GRIK2: variants seen among roughly 807,000 people sequenced by gnomAD.
The protein encoded by GRIK2 is glutamate receptor ionotropic, kainate 2.
A neutral mutation model predicts 100.3 loss-of-function variants in GRIK2; 32 were observed. The observed-to-expected ratio is 0.32, with a 90% CI of 0.24 to 0.43. The LOEUF (loss-of-function observed/expected upper bound fraction) is 0.43. Among genes scored for constraint, GRIK2 ranks in the 20% least tolerant of loss-of-function variants. The pLI, the probability that GRIK2 is intolerant of heterozygous loss-of-function variation, is 1.00. For synonymous variants in GRIK2, 417 were observed against 389.4 expected, an observed-to-expected ratio of 1.07 and a Z score of -0.83; for missense variants, 843 against 1,114.9, an observed-to-expected ratio of 0.76 and a Z score of 3.47.
chr6:101,834,402 C>T (rs1782925026), intron 10 of GRIK2, among the ~76,000 whole-genome samples: 1 of 151,542 alleles, frequency 6.6e-6, no homozygotes, highest in East Asian at 1.9e-4. Flanking sequence ...TTTGGAGCGT[C>T]TATTTCCCAG....
chr6:101,558,609 A>G (rs1455585934), intron 2 of GRIK2, among the ~76,000 whole-genome samples: 3 of 150,788 alleles, frequency 2.0e-5, no homozygotes, highest in Non-Finnish European at 4.4e-5. Context: ...GAAATAGTTT[A>G]GGGTTGAATT....
intron 2 of GRIK2, among the ~76,000 whole-genome samples, chr6:101,621,579 A>G (rs185561790): frequency 2.0e-5 from 3 of 152,288 alleles, no homozygotes. Context: ...AACTGTTTAC[A>G]AATTTTGGGG....
At chr6:101,458,267 T>C (rs1047432798) in intron 2 of GRIK2, among the ~76,000 whole-genome samples, 1 of 152,170 alleles carries the variant, frequency 6.6e-6, no homozygotes, top group Non-Finnish European at 1.5e-5. Context: ...ATTTTAAGAA[T>C]TTTATGCAAC....
At chr6:101,739,740 T>G (rs1775902689) in intron 7 of GRIK2, among the ~76,000 whole-genome samples, 1 of 152,202 alleles carries the variant, frequency 6.6e-6, no homozygotes, top group African/African-American at 2.4e-5. Flanking sequence ...TTGATGTTTC[T>G]TCTCCTCTAA....
chr6:101,459,220 T>A (rs934651984), intron 2 of GRIK2, among the ~76,000 whole-genome samples: 2 of 152,140 alleles, frequency 1.3e-5, no homozygotes, highest in African/African-American at 4.8e-5. Flanking sequence ...CCAAAGGTCC[T>A]TTGAAAGACA....
chr6:102,053,047 G>A (rs951848511), intron 15 of GRIK2, among the ~76,000 whole-genome samples: 6 of 151,700 alleles, frequency 4.0e-5, no homozygotes, highest in African/African-American at 1.5e-4. Flanking sequence ...CAGCCTGGGT[G>A]AAAGAGCGAG....
intron 2 of GRIK2, among the ~76,000 whole-genome samples, chr6:101,507,829 T>C (rs774410398): frequency 1.1e-4 from 17 of 152,110 alleles, no homozygotes; most frequent in Admixed American, 2.0e-4. Flanking sequence ...GGGGCTGATG[T>C]TGGGGAGAAA....
At chr6:101,491,620 A>G (rs1390017998) in intron 2 of GRIK2, among the ~76,000 whole-genome samples, 1 of 151,864 alleles carries the variant, frequency 6.6e-6, no homozygotes, top group African/African-American at 2.4e-5. Flanking sequence ...CTCTGTCTCT[A>G]TTTTCTATCT....
intron 14 of GRIK2, among the ~76,000 whole-genome samples, chr6:101,936,193 A>G (rs1182989994): frequency 6.6e-6 from 1 of 152,008 alleles, no homozygotes; most frequent in Non-Finnish European, 1.5e-5. Context: ...TTGTTTGTTC[A>G]TGTTGCTGTG....
rs182136554 is a variant in GRIK2 at position 101,773,384 on chromosome 6, G to A, written c.952-26264G>A. 6.2e-3 allele frequency among the ~76,000 whole-genome samples: 936 copies of A among 151,714 alleles called. 10 individuals are homozygous for A. The highest frequency in any genetic ancestry group is 0.021 in the African/African-American group (860 of 41,314). On this transcript the variant is annotated intron_variant, in intron 7 of 16. Coordinates refer to ENST00000369134, the MANE Select transcript of GRIK2 (RefSeq NM_021956.5). The stretch of plus-strand genomic sequence containing the variant: ...AGTCTCAGCTACTCGGGAGGCTCAG[G>A]CAGGAGAATCGCTTGAACCCGGGAG...
chr6:101,438,281 T>G (rs957700994), intron 2 of GRIK2, among the ~76,000 whole-genome samples: 1 of 152,040 alleles, frequency 6.6e-6, no homozygotes, highest in Non-Finnish European at 1.5e-5. Context: ...GGGAAGACAT[T>G]TATTTGTTGT....
At position 101,634,570 on chromosome 6, in the gene GRIK2, G is replaced by A. The variant is rs532643798; in HGVS notation, c.541+7933G>A. Among the ~76,000 whole-genome samples the A allele has an allele frequency of 1.1e-4, 17 of 151,942 alleles. No homozygotes were observed. The South Asian group carries it at 3.3e-3, about 30-fold the overall frequency. ...TCATTTGAACTTCTTTGTAGTATTA[G>A]GAAATGAAGAAAATCAACAAAAAAC... On this transcript the variant is annotated intron_variant, in intron 4 of 16. Transcript: ENST00000369134.
rs78983664 is a variant in GRIK2 at position 101,722,676 on chromosome 6, C to G, written c.951+36323C>G. ...AGGGATGGATGCCAACTGTGAAACC[C>G]AGTTTTGAAATGTGTTTTTGTTAGG... On this transcript the variant is annotated intron_variant, in intron 7 of 16. Coordinates refer to ENST00000369134, the MANE Select transcript of GRIK2 (RefSeq NM_021956.5). Among the ~76,000 whole-genome samples the G allele has an allele frequency of 4.8e-3, 724 of 152,076 alleles. 22 individuals are homozygous for G. Among genetic ancestry groups the G allele is most frequent in the Admixed American group, 0.04 (615 of 15,238 alleles).
At chr6:101,535,131 C>G (rs1775627471) in intron 2 of GRIK2, among the ~76,000 whole-genome samples, 1 of 151,586 alleles carries the variant, frequency 6.6e-6, no homozygotes, top group South Asian at 2.1e-4. Context: ...CTAGGTATTG[C>G]TTCAGTCTTG....
At position 101,481,701 on chromosome 6, in the gene GRIK2, A is replaced by G. The variant is rs188619957; in HGVS notation, c.115+82309A>G. On this transcript the variant is annotated intron_variant, in intron 2 of 16. Transcript: ENST00000369134. ...GATTAACCTAAGAAGTATTTTAAAT[A>G]TATTTTGCCATGTAGAAGTGCTTGG... is the stretch of plus-strand genomic sequence containing the variant. Among the ~76,000 whole-genome samples the G allele has an allele frequency of 3.9e-5, 6 of 152,280 alleles. No homozygotes were observed. The East Asian group carries it at 9.6e-4, about 24-fold the overall frequency.
chr6:101,490,950 C>T (rs965707829), intron 2 of GRIK2, among the ~76,000 whole-genome samples: 2 of 144,028 alleles, frequency 1.4e-5, no homozygotes, highest in South Asian at 2.2e-4. Flanking sequence ...TACACACACA[C>T]CTTTTCCAAA....
intron 2 of GRIK2, among the ~76,000 whole-genome samples, chr6:101,445,805 A>G (rs1346453194): frequency 1.3e-5 from 2 of 152,046 alleles, no homozygotes; most frequent in African/African-American, 4.8e-5. Context: ...TTTTCCTTTC[A>G]TGGCACACAT....
intron 2 of GRIK2, among the ~76,000 whole-genome samples, chr6:101,609,154 C>T (rs1212382326): frequency 6.6e-6 from 1 of 151,696 alleles, no homozygotes. Context: ...ACATTATCTG[C>T]AATTCGAATT....
At chr6:102,011,854 G>T (rs1217815598) in intron 14 of GRIK2, among the ~76,000 whole-genome samples, 2 of 151,854 alleles carry the variant, frequency 1.3e-5, no homozygotes, top group Non-Finnish European at 2.9e-5. Context: ...CCAAAGGGCT[G>T]GGATTAACAG....
Sources: gnomAD v4.1 joint callset for allele counts (sites outside exome capture counted in the v4.1 genomes callset) on GRCh38, gnomAD v4.1.1 for gene constraint, MANE v1.5 for transcripts, NCBI Gene and HGNC (gene_info 2026-07-23, HGNC 2026-07-21) for gene names.